NAALADL2: variants seen among roughly 807,000 people sequenced by gnomAD.
NAALADL2 encodes the protein inactive N-acetylated-alpha-linked acidic dipeptidase-like protein 2.
NAALADL2 carries 76 observed loss-of-function variants against 87.2 expected under a neutral mutation model. The ratio of observed to expected loss-of-function variants is 0.87; its 90% CI spans 0.72 to 1.05. The LOEUF (loss-of-function observed/expected upper bound fraction) is 1.05, where lower values mean the gene tolerates loss of function less well. NAALADL2 is among the 50% of genes least tolerant of loss of function. The pLI, the probability that NAALADL2 is intolerant of heterozygous loss-of-function variation, is 0.00. For missense variants in NAALADL2, 1,089 were observed against 945.8 expected, an observed-to-expected ratio of 1.15 and a Z score of -1.99; for synonymous variants, 354 against 331.0, an observed-to-expected ratio of 1.07 and a Z score of -0.75.
chr3:174,713,250 G>T (rs1027860507), intron 2 of NAALADL2, among the ~76,000 whole-genome samples: 3 of 152,096 alleles, frequency 2.0e-5, no homozygotes, highest in African/African-American at 7.2e-5. Flanking sequence ...TGTGAATATT[G>T]CCACAATAAA....
intron 6 of NAALADL2, among the ~76,000 whole-genome samples, chr3:175,460,906 GA>G (rs1465214384): frequency 6.6e-6 from 1 of 152,200 alleles, no homozygotes; most frequent in Non-Finnish European, 1.5e-5. Flanking sequence ...TGTGGAAAGT[GA>G]CCCAAGCAGG....
chr3:175,595,858 A>G (rs1488510432), intron 10 of NAALADL2, among the ~76,000 whole-genome samples: 7 of 151,962 alleles, frequency 4.6e-5, no homozygotes, highest in Non-Finnish European at 5.9e-5. Flanking sequence ...TGAAACTACC[A>G]ATGTCATTCT....
intron 10 of NAALADL2, among the ~76,000 whole-genome samples, chr3:175,588,350 C>G (rs765905596): frequency 6.6e-6 from 1 of 151,298 alleles, no homozygotes; most frequent in Non-Finnish European, 1.5e-5. Flanking sequence ...CTGTGAGGTA[C>G]TCAATACAGC....
intron 1 of NAALADL2, chr3:174,540,825 C>T (rs1722154582): frequency 6.6e-6 from 1 of 152,156 alleles, no homozygotes; most frequent in African/African-American, 2.4e-5. Context: ...AACCTGTTGC[C>T]TTGGAGACTA....
chr3:174,747,229 C>T (rs1178985442), intron 3 of NAALADL2, among the ~76,000 whole-genome samples: 2 of 152,038 alleles, frequency 1.3e-5, no homozygotes, highest in Admixed American at 1.3e-4. Context: ...AACAAATTTA[C>T]AAGAAAAGGC....
chr3:174,782,998 G>T (rs1716175518), intron 3 of NAALADL2, among the ~76,000 whole-genome samples: 1 of 152,130 alleles, frequency 6.6e-6, no homozygotes, highest in East Asian at 1.9e-4. Flanking sequence ...TAAGATGAAG[G>T]TACTTGGCGT....
intron 1 of NAALADL2, among the ~76,000 whole-genome samples, chr3:174,865,481 T>C (rs1331390493): frequency 1.3e-5 from 2 of 152,010 alleles, no homozygotes; most frequent in Non-Finnish European, 1.5e-5. Context: ...TGAAGGATTA[T>C]TGTACTTTAT....
chr3:175,461,763 G>A (rs1723168670), intron 6 of NAALADL2, among the ~76,000 whole-genome samples: 1 of 152,206 alleles, frequency 6.6e-6, no homozygotes, highest in Non-Finnish European at 1.5e-5. Context: ...ATTGAAAGGT[G>A]TAAGGTAAAG....
chr3:174,763,447 C>T (rs778728385), intron 3 of NAALADL2, among the ~76,000 whole-genome samples: 8 of 151,398 alleles, frequency 5.3e-5, no homozygotes, highest in Non-Finnish European at 1.2e-4. Flanking sequence ...ATTAGCTGGG[C>T]GTGGTGGTGC....
chr3:174,881,767 T>C (rs1166342172), intron 1 of NAALADL2, among the ~76,000 whole-genome samples: 1 of 152,170 alleles, frequency 6.6e-6, no homozygotes, highest in African/African-American at 2.4e-5. Context: ...CATCTTCTTA[T>C]GCTGCTCACC....
At position 174,932,355 on chromosome 3, in the gene NAALADL2, C is replaced by T. The variant is rs567518668; in HGVS notation, c.43+72905C>T. Among the ~76,000 whole-genome samples, 135 of 152,308 alleles carry T rather than the reference C, an allele frequency of 8.9e-4. 1 individual carries two copies. The highest frequency in any genetic ancestry group is 1.7e-3 in the South Asian group (8 of 4,830). On this transcript the variant is annotated intron_variant, in intron 1 of 13. Transcript: ENST00000454872. ...TTATATAAAATCAAGACATCAACAACAGCAAAGAAAGCCTGGACTAATTTT... is the reference window on the plus strand; with the variant it reads ...TTATATAAAATCAAGACATCAACAATAGCAAAGAAAGCCTGGACTAATTTT...
chr3:175,163,816 C>T (rs1580752676), intron 2 of NAALADL2, among the ~76,000 whole-genome samples: 1 of 152,164 alleles, frequency 6.6e-6, no homozygotes, highest in South Asian at 2.1e-4. Context: ...ACCAGAGGGG[C>T]AGCTGCTCAC....
intron 1 of NAALADL2, among the ~76,000 whole-genome samples, chr3:175,061,145 G>A (rs1308434469): frequency 6.6e-6 from 1 of 151,998 alleles, no homozygotes; most frequent in African/African-American, 2.4e-5. Context: ...TAAAAAAATT[G>A]GAATATGAGA....
At chr3:174,457,965 A>G (rs560953372) in intron 1 of NAALADL2, among the ~76,000 whole-genome samples, 11 of 152,142 alleles carry the variant, frequency 7.2e-5, no homozygotes, top group Non-Finnish European at 1.3e-4. Context: ...ATAGAGGTGA[A>G]TGACAGACAC....
chr3:175,750,718 C>G (rs1746521694), intron 12 of NAALADL2, among the ~76,000 whole-genome samples: 1 of 152,118 alleles, frequency 6.6e-6, no homozygotes, highest in Non-Finnish European at 1.5e-5. Flanking sequence ...TTACTTCTTC[C>G]CTGGACACTT....
At chr3:174,905,486 G>A (rs957205393) in intron 1 of NAALADL2, among the ~76,000 whole-genome samples, 7 of 151,976 alleles carry the variant, frequency 4.6e-5, no homozygotes, top group African/African-American at 9.7e-5. Context: ...ATGGCAGCAT[G>A]CATTAAACTG....
intron 1 of NAALADL2, among the ~76,000 whole-genome samples, chr3:175,054,950 A>G (rs903405813): frequency 2.6e-5 from 4 of 151,860 alleles, no homozygotes; most frequent in Non-Finnish European, 4.4e-5. Flanking sequence ...GCCCTTCACA[A>G]TGCAAAATAT....
At position 175,695,967 on chromosome 3, in the gene NAALADL2, A is replaced by C. The variant is rs182931179; in HGVS notation, c.1897-41339A>C. Among the ~76,000 whole-genome samples the C allele has an allele frequency of 1.5e-3, 234 of 152,284 alleles. 1 individual carries two copies. Among genetic ancestry groups the C allele is most frequent in the Non-Finnish European group, 2.7e-3 (184 of 68,008 alleles). ...AGCTCGCCATCTCACTGGGTATGCA[A>C]AATAGAAAACAAATGGCATTGTGCT... On this transcript the variant is annotated intron_variant, in intron 11 of 13. Coordinates refer to ENST00000454872, the MANE Select transcript of NAALADL2 (RefSeq NM_207015.3).
At chr3:175,157,398 G>A (rs1732487431) in intron 2 of NAALADL2, among the ~76,000 whole-genome samples, 1 of 152,006 alleles carries the variant, frequency 6.6e-6, no homozygotes, top group African/African-American at 2.4e-5. Context: ...TTTGTAAAAT[G>A]TAAAGAATAA....
Sources: allele counts gnomAD v4.1 joint callset (sites outside exome capture counted in the v4.1 genomes callset), GRCh38; gene constraint gnomAD v4.1.1; transcripts MANE v1.5; gene names NCBI Gene and HGNC (gene_info 2026-07-23, HGNC 2026-07-21).